The following PCDH7 variants were observed in gnomAD, a reference collection of about 807,000 sequenced individuals.
The protein encoded by PCDH7 is protocadherin-7.
PCDH7 carries 17 observed loss-of-function variants against 58.9 expected under a neutral mutation model. That is an observed-to-expected ratio of 0.29 (90% CI 0.20 to 0.43). The LOEUF is 0.43. PCDH7 is among the 20% of genes least tolerant of loss of function. The pLI is 1.00. For missense variants in PCDH7, 1,274 were observed against 1,441.0 expected, an observed-to-expected ratio of 0.88 and a Z score of 1.88; for synonymous variants, 664 against 616.4, an observed-to-expected ratio of 1.08 and a Z score of -1.14.
intron 1 of PCDH7, among the ~76,000 whole-genome samples, chr4:30,837,349 CAG>C (rs1364213820): frequency 6.6e-6 from 1 of 151,850 alleles, no homozygotes; most frequent in African/African-American, 2.4e-5. Flanking sequence ...GACAAGCATG[CAG>C]AGAGAGAATG....
chr4:31,125,538 T>C (rs997902850), intron 3 of PCDH7, among the ~76,000 whole-genome samples: 7 of 152,230 alleles, frequency 4.6e-5, no homozygotes, highest in Admixed American at 6.5e-5. Context: ...TTGGACTTTA[T>C]GATAGTGTGC....
At chr4:30,968,296 C>A (rs1453210667) in intron 3 of PCDH7, among the ~76,000 whole-genome samples, 8,258 of 38,148 alleles carry the variant, frequency 0.22, 1,325 homozygotes, top group African/African-American at 0.53. Context: ...TACTCTCTCT[C>A]TCTCTCTATA....
chr4:30,722,008 C>G lies in PCDH7; in HGVS notation c.586C>G (p.Arg196Gly). ...AGGCGGCGGCAGCGGCGGCGAGAGC[C>G]GGCGCGCCGGGGCGGCCGACAGCGC... Residue 196 changes from arginine to glycine, a missense_variant, in exon 1 of 2, where the codon CGG becomes GGG. By Grantham distance (125) the Arg-to-Gly change is moderately radical (BLOSUM62 -2). Around this residue, in one of 3 missense-constraint regions of PCDH7, gnomAD observed 331 missense variants for 303.2 expected, o/e 1.09. Coordinates refer to ENST00000361762, the Ensembl canonical transcript of PCDH7. This position sits in a 1 kb window ranked among gnomAD's most constrained non-coding sequence, Gnocchi z 7.6. 1.6e-6 allele frequency: 2 copies of G among 1,268,466 alleles called. No homozygotes were observed. The highest frequency in any genetic ancestry group is 2.0e-6 in the Non-Finnish European group (2 of 1,010,074). The allele number at this position is 1,268,466 out of a possible 1,614,324, so 78.6% of individuals were successfully genotyped here. A position where few individuals can be genotyped will look rare whatever the true frequency, so the allele number is the denominator to read the frequency against.
chr4:31,063,601 A>T (rs1373946133), intron 3 of PCDH7, among the ~76,000 whole-genome samples: 1 of 151,910 alleles, frequency 6.6e-6, no homozygotes, highest in Admixed American at 6.6e-5. Context: ...CTTGTAAAAG[A>T]GATAGCAGTT....
chr4:30,764,310 A>G (rs1274403325), intron 1 of PCDH7, among the ~76,000 whole-genome samples: 1 of 152,142 alleles, frequency 6.6e-6, no homozygotes, highest in Non-Finnish European at 1.5e-5. Flanking sequence ...TCAAGGTGCA[A>G]TGCGTTTAAC....
chr4:30,999,317 A>G (rs1416663000), intron 3 of PCDH7, among the ~76,000 whole-genome samples: 1 of 152,174 alleles, frequency 6.6e-6, no homozygotes, highest in Non-Finnish European at 1.5e-5. Context: ...GTGTGAAAAC[A>G]TAGCATAGTC....
chr4:31,057,938 G>T (rs978324385), intron 3 of PCDH7, among the ~76,000 whole-genome samples: 9 of 152,004 alleles, frequency 5.9e-5, no homozygotes, highest in African/African-American at 1.9e-4. Context: ...CATGATTAGG[G>T]GTTCAAAGAA....
At chr4:30,975,871 G>A (rs1231834568) in intron 3 of PCDH7, among the ~76,000 whole-genome samples, 1 of 152,154 alleles carries the variant, frequency 6.6e-6, no homozygotes, top group Non-Finnish European at 1.5e-5. Flanking sequence ...GCACACTTTG[G>A]TCTCTAACCA....
chr4:30,956,963 T>A (rs779341109), intron 3 of PCDH7, among the ~76,000 whole-genome samples: 22 of 152,022 alleles, frequency 1.4e-4, no homozygotes, highest in Admixed American at 5.2e-4. Context: ...AACGTGGAGG[T>A]CGGCATCCCT....
intron 3 of PCDH7, among the ~76,000 whole-genome samples, chr4:31,089,881 A>G (rs1341041229): frequency 6.6e-6 from 1 of 152,132 alleles, no homozygotes; most frequent in Non-Finnish European, 1.5e-5. Flanking sequence ...TTAGCTTTCA[A>G]ACATTTCCGT....
chr4:31,074,286 T>G (rs2109257250), intron 3 of PCDH7, among the ~76,000 whole-genome samples: 1 of 151,528 alleles, frequency 6.6e-6, no homozygotes, highest in African/African-American at 2.4e-5. Context: ...GAACAATTTG[T>G]TCATTTAGCA....
chr4:31,096,222 G>A (rs1713961087), intron 3 of PCDH7, among the ~76,000 whole-genome samples: 1 of 152,126 alleles, frequency 6.6e-6, no homozygotes, highest in African/African-American at 2.4e-5. Context: ...AAGTTAGACG[G>A]AACTGTTTCT....
intron 1 of PCDH7, among the ~76,000 whole-genome samples, chr4:30,806,152 G>A (rs1726164869): frequency 6.6e-6 from 1 of 152,044 alleles, no homozygotes; most frequent in Admixed American, 6.5e-5. Context: ...TCCTTCAGTG[G>A]CTGTTGATCA....
At chr4:31,133,631 G>A (rs1719243689) in intron 3 of PCDH7, among the ~76,000 whole-genome samples, 1 of 152,148 alleles carries the variant, frequency 6.6e-6, no homozygotes, top group African/African-American at 2.4e-5. Flanking sequence ...AACTCCGCAT[G>A]GGTAAAGAGG....
At chr4:31,146,186 T>C (rs555124902), downstream of PCDH7, 2 of 152,016 alleles carry the variant, frequency 1.3e-5, no homozygotes, top group African/African-American at 4.8e-5. Flanking sequence ...ACTGAAACAC[T>C]ACCCTAGGAA....
chr4:31,113,255 A>G, intron 3 of PCDH7, among the ~76,000 whole-genome samples: 1 of 152,102 alleles, frequency 6.6e-6, no homozygotes, highest in Non-Finnish European at 1.5e-5. Context: ...ATGAACTTCC[A>G]TTTCTTAGAC....
At chr4:31,056,481 GAA>G (rs1757216407) in intron 3 of PCDH7, among the ~76,000 whole-genome samples, 2 of 130,982 alleles carry the variant, frequency 1.5e-5, no homozygotes, top group East Asian at 3.7e-4. Context: ...AAGAAAGAAA[GAA>G]AGAAAGAAAG....
downstream of PCDH7, among the ~76,000 whole-genome samples, chr4:30,736,543 T>TA (rs1363139273): frequency 1.3e-5 from 2 of 149,428 alleles, no homozygotes; most frequent in Admixed American, 6.7e-5. Flanking sequence ...TTATTTTTTT[T>TA]TTTTTTTTTT....
intron 3 of PCDH7, among the ~76,000 whole-genome samples, chr4:31,072,921 T>C (rs1277644955): frequency 1.3e-5 from 2 of 152,052 alleles, no homozygotes; most frequent in Non-Finnish European, 2.9e-5. Flanking sequence ...GAAAAACAGA[T>C]AATCAAAAGG....
Sources: allele counts gnomAD v4.1 joint callset (sites outside exome capture counted in the v4.1 genomes callset), GRCh38; gene constraint gnomAD v4.1.1; regional missense constraint gnomAD v4.1.1; non-coding constraint Gnocchi (gnomAD v3.1); transcripts MANE v1.5; gene names NCBI Gene and HGNC (gene_info 2026-07-23, HGNC 2026-07-21).